Variants in LRFN5 observed in about 807,000 individuals in gnomAD.
The protein encoded by LRFN5 is leucine-rich repeat and fibronectin type-III domain-containing protein 5.
LRFN5 carries 24 observed loss-of-function variants against 45.6 expected under a neutral mutation model. The observed-to-expected ratio is 0.53, with a 90% CI of 0.38 to 0.74. The LOEUF (loss-of-function observed/expected upper bound fraction) is 0.74. LRFN5 is among the 30% of genes least tolerant of loss of function. The pLI, the probability that LRFN5 is intolerant of heterozygous loss-of-function variation, is 0.00. For synonymous variants in LRFN5, 340 were observed against 313.8 expected (o/e 1.08, Z -0.88); for missense variants, 776 against 861.5 (o/e 0.90, Z 1.24).
chr14:41,855,225 A>G (rs1267247766), intron 2 of LRFN5, among the ~76,000 whole-genome samples: 2 of 152,194 alleles, frequency 1.3e-5, no homozygotes, highest in Admixed American at 1.3e-4. Context: ...ATAAAGTTAT[A>G]ATAGTGGGAT....
chr14:41,872,594 T>C (rs1890054724), intron 2 of LRFN5, among the ~76,000 whole-genome samples: 1 of 152,232 alleles, frequency 6.6e-6, no homozygotes, highest in Non-Finnish European at 1.5e-5. Context: ...ATTACCTTAA[T>C]GTCCCAGTTT....
chr14:41,806,374 A>T (rs916070770), intron 2 of LRFN5, among the ~76,000 whole-genome samples: 1 of 152,200 alleles, frequency 6.6e-6, no homozygotes, highest in Admixed American at 6.5e-5. Context: ...GCTAAAAAAC[A>T]TAAAGTGAAA....
intron 1 of LRFN5, among the ~76,000 whole-genome samples, chr14:41,730,446 G>T (rs928235814): frequency 7.2e-5 from 11 of 151,878 alleles, no homozygotes; most frequent in Non-Finnish European, 1.3e-4. Flanking sequence ...TAATGGACTT[G>T]CAAGGAGATG....
rs72668813 is a variant in LRFN5 at position 41,759,065 on chromosome 14, G to A, written c.-196-7789G>A. 4.1e-3 allele frequency among the ~76,000 whole-genome samples: 625 copies of A among 152,158 alleles called. 3 individuals are homozygous for A. Among genetic ancestry groups the A allele is most frequent in the Admixed American group, 7.3e-3 (112 of 15,286 alleles). On this transcript the variant is annotated intron_variant, in intron 1 of 5. Transcript: ENST00000298119. The stretch of plus-strand genomic sequence containing the variant: ...GCTTACAGGCCAATAAGAGATCTAA[G>A]ACACGTGGTACATCACATGATGTAC...
At chr14:41,709,900 T>C (rs1337353750) in intron 1 of LRFN5, among the ~76,000 whole-genome samples, 3 of 152,094 alleles carry the variant, frequency 2.0e-5, no homozygotes, top group Non-Finnish European at 4.4e-5. Flanking sequence ...TAAGTGACTT[T>C]ACTATAGATG....
At chr14:41,740,256 G>A (rs1254606025) in intron 1 of LRFN5, among the ~76,000 whole-genome samples, 1 of 151,786 alleles carries the variant, frequency 6.6e-6, no homozygotes, top group Non-Finnish European at 1.5e-5. Context: ...GAAAACAACA[G>A]GCCAAAATCC....
intron 1 of LRFN5, among the ~76,000 whole-genome samples, chr14:41,730,979 A>C (rs73309200): frequency 0.045 from 6,812 of 152,056 alleles, 337 homozygotes; most frequent in African/African-American, 0.12. Flanking sequence ...ACAAAATGGG[A>C]TTTTAGCATC....
chr14:41,719,060 A>T (rs955665368), intron 1 of LRFN5, among the ~76,000 whole-genome samples: 3 of 152,138 alleles, frequency 2.0e-5, no homozygotes, highest in Non-Finnish European at 4.4e-5. Flanking sequence ...AATCTGGGGT[A>T]ATTCATCACT....
intron 3 of LRFN5, among the ~76,000 whole-genome samples, 166 bp from the exon 4 acceptor site, chr14:41,891,084 A>T (rs1890763106): frequency 6.6e-6 from 1 of 152,232 alleles, no homozygotes; most frequent in African/African-American, 2.4e-5. Flanking sequence ...AAGGACTTTT[A>T]GCCATTTTAA....
At chr14:41,769,380 A>C (rs771787418) in intron 2 of LRFN5, among the ~76,000 whole-genome samples, 2 of 152,186 alleles carry the variant, frequency 1.3e-5, no homozygotes, top group Non-Finnish European at 2.9e-5. Flanking sequence ...CTGTTTCTCT[A>C]TTCGTTCTCA....
chr14:41,687,735 G>A (rs142899165), intron 1 of LRFN5, among the ~76,000 whole-genome samples: 16 of 152,180 alleles, frequency 1.1e-4, no homozygotes, highest in African/African-American at 3.9e-4. Context: ...ACTAACAAAG[G>A]AACAGAAAAC....
intron 2 of LRFN5, among the ~76,000 whole-genome samples, chr14:41,845,965 T>A (rs1889047521): frequency 6.6e-6 from 1 of 152,176 alleles, no homozygotes; most frequent in South Asian, 2.1e-4. Context: ...CTTGTTAAAG[T>A]ATTTGTTTCA....
chr14:41,862,158 C>T (rs1328377207), intron 2 of LRFN5, among the ~76,000 whole-genome samples: 1 of 152,154 alleles, frequency 6.6e-6, no homozygotes, highest in Non-Finnish European at 1.5e-5. Context: ...AACCTCTTTT[C>T]GTTATAAATT....
intron 1 of LRFN5, among the ~76,000 whole-genome samples, chr14:41,749,066 C>G (rs1885029170): frequency 1.3e-5 from 2 of 152,102 alleles, no homozygotes; most frequent in South Asian, 2.1e-4. Context: ...TTATAATGAA[C>G]TCACTGTTAT....
chr14:41,873,108 A>G (rs1183631482), intron 2 of LRFN5, among the ~76,000 whole-genome samples: 6 of 152,144 alleles, frequency 3.9e-5, no homozygotes, highest in African/African-American at 7.2e-5. Context: ...TGTTGCAGTA[A>G]TGACGGCTGC....
intron 2 of LRFN5, among the ~76,000 whole-genome samples, chr14:41,808,688 A>AG (rs1365144989): frequency 1.3e-5 from 2 of 152,076 alleles, no homozygotes; most frequent in African/African-American, 2.4e-5. Context: ...CAGATGTAAA[A>AG]ACACTAAAAC....
intron 1 of LRFN5, among the ~76,000 whole-genome samples, chr14:41,621,098 T>TGATA (rs1423342770): frequency 6.6e-6 from 1 of 152,084 alleles, no homozygotes; most frequent in Non-Finnish European, 1.5e-5. Flanking sequence ...ATACTTTTAG[T>TGATA]GATAGCATTT....
intron 1 of LRFN5, among the ~76,000 whole-genome samples, chr14:41,717,063 C>T (rs61990340): frequency 6.6e-6 from 1 of 152,150 alleles, no homozygotes; most frequent in Non-Finnish European, 1.5e-5. Context: ...AAAAACCACA[C>T]AGGCTCATGA....
chr14:41,829,733 CT>C (rs1443024366), intron 2 of LRFN5, among the ~76,000 whole-genome samples: 2 of 150,956 alleles, frequency 1.3e-5, no homozygotes, highest in Non-Finnish European at 3.0e-5. Context: ...AAACTATTTG[CT>C]TTTTTTTGCT....
Sources: gnomAD v4.1 joint callset for allele counts (sites outside exome capture counted in the v4.1 genomes callset) on GRCh38, gnomAD v4.1.1 for gene constraint, MANE v1.5 for transcripts, NCBI Gene and HGNC (gene_info 2026-07-23, HGNC 2026-07-21) for gene names.